Variants in CSNK1G3 observed in about 807,000 individuals in gnomAD.
CSNK1G3 encodes casein kinase 1 gamma 3.
CSNK1G3 carries 23 observed loss-of-function variants against 64.3 expected under a neutral mutation model. That is an observed-to-expected ratio of 0.36 (90% CI 0.26 to 0.51). CSNK1G3 has a LOEUF of 0.51. Among genes scored for constraint, CSNK1G3 ranks in the 20% least tolerant of loss-of-function variants. The probability of loss-of-function intolerance (pLI) is 0.96; values close to 1 mark genes in which losing one functional copy is unlikely to be tolerated. For missense variants in CSNK1G3, 357 were observed against 510.5 expected (o/e 0.70, Z 2.90); for synonymous variants, 158 against 162.2 (o/e 0.97, Z 0.20).
intron 1 of CSNK1G3, among the ~76,000 whole-genome samples, chr5:123,531,706 A>G (rs2150098156): frequency 6.6e-6 from 1 of 152,088 alleles, no homozygotes. Context: ...ACAGATTTGA[A>G]GTTGTAAATA....
rs1392714790 is a variant in CSNK1G3 at position 123,519,331 on chromosome 5, G to A, written c.-248+6761G>A. ...GGTCTCCCAAAGTGCTGGATTACAG[G>A]CATGAGCCACTGTGCCCGGCTGGGT... is the stretch of plus-strand genomic sequence containing the variant. On this transcript the variant is annotated intron_variant, in intron 1 of 12. Transcript: ENST00000345990. 1.1e-4 allele frequency among the ~76,000 whole-genome samples: 17 copies of A among 152,200 alleles called. No individual in the cohort carries two copies. In the East Asian group the frequency reaches 3.3e-3, roughly 29 times the overall value.
At position 123,574,737 on chromosome 5, in the gene CSNK1G3, A is replaced by G. The variant is rs187927060; in HGVS notation, c.439-992A>G. ...CCCAACTGCTGAGGAGGTTGAGGCA[A>G]GAGGATTGCTTGAGCCCGGAGGTTA... On this transcript the variant is annotated intron_variant, in intron 5 of 12. Coordinates refer to ENST00000345990, the Ensembl canonical transcript of CSNK1G3. Among the ~76,000 whole-genome samples the G allele has an allele frequency of 3.9e-5, 6 of 152,102 alleles. No individual in the cohort carries two copies. The East Asian group carries it at 9.7e-4, about 25-fold the overall frequency.
intron 6 of CSNK1G3, among the ~76,000 whole-genome samples, chr5:123,577,728 T>C (rs1006881049): frequency 6.6e-6 from 1 of 152,054 alleles, no homozygotes; most frequent in Non-Finnish European, 1.5e-5. Flanking sequence ...GTTTTTTTTT[T>C]ATTGAAGTAA....
chr5:123,556,144 A>G lies in CSNK1G3; in HGVS notation c.220-1351A>G, dbSNP rs535164958. Among the ~76,000 whole-genome samples the G allele has an allele frequency of 9.9e-5, 15 of 152,188 alleles. No homozygotes were observed. In the Middle Eastern group the frequency reaches 0.01, roughly 104 times the overall value. ...TACTGTACTATCCTGCCTCTCAAGAACTAAGCTGATTGTTTTCTCCTGTAA... is the reference window on the plus strand; with the variant it reads ...TACTGTACTATCCTGCCTCTCAAGAGCTAAGCTGATTGTTTTCTCCTGTAA... On this transcript the variant is annotated intron_variant, in intron 3 of 12. Coordinates refer to ENST00000345990, the Ensembl canonical transcript of CSNK1G3.
chr5:123,536,654 A>C (rs1159713449), intron 1 of CSNK1G3, among the ~76,000 whole-genome samples: 3 of 152,104 alleles, frequency 2.0e-5, no homozygotes, highest in Non-Finnish European at 4.4e-5. Context: ...TTGAAACATC[A>C]CCATGTACCC....
At chr5:123,569,026 A>G (rs533960780) in intron 4 of CSNK1G3, among the ~76,000 whole-genome samples, 16 of 152,366 alleles carry the variant, frequency 1.1e-4, no homozygotes, top group African/African-American at 3.1e-4. Context: ...AAAAACTGCA[A>G]TTACATTTGC....
rs148105044 is a variant in CSNK1G3 at position 123,598,678 on chromosome 5, G to A, written c.1087-6046G>A. On this transcript the variant is annotated intron_variant, in intron 10 of 12. Transcript: ENST00000345990. ...GTGTGTTGAGAAATGAGACTGAGAA[G>A]GTAGGCTGGAGGTAAATCATGAAGG... Among the ~76,000 whole-genome samples the A allele has an allele frequency of 7.4e-3, 1,129 of 152,146 alleles. 11 individuals carry two copies. The highest frequency in any genetic ancestry group is 0.014 in the Middle Eastern group (4 of 294).
chr5:123,590,683 A>C lies in CSNK1G3; in HGVS notation c.990+125A>C. 3.3e-6 allele frequency: 2 copies of C among 597,966 alleles called. 1 individual carries two copies. The highest frequency in any genetic ancestry group is 5.1e-6 in the Non-Finnish European group (2 of 388,946). 37.0% of individuals were successfully genotyped at this position (597,966 alleles called of 1,614,324 possible). A position where few individuals can be genotyped will look rare whatever the true frequency, so the allele number is the denominator to read the frequency against. On this transcript the variant is annotated intron_variant, in intron 9 of 12. Transcript: ENST00000345990. ...TAAAGGATTCATTTTATTGTTTTTT[A>C]AGGGACATTTCTGCAGGTAGTGCCG...
intron 1 of CSNK1G3, among the ~76,000 whole-genome samples, chr5:123,536,046 A>G (rs1404497932): frequency 6.6e-6 from 1 of 152,152 alleles, no homozygotes; most frequent in African/African-American, 2.4e-5. Context: ...ATGTGCTTTT[A>G]AATGCTTTTA....
chr5:123,540,886 C>A (rs1781573104), intron 1 of CSNK1G3, among the ~76,000 whole-genome samples: 1 of 152,186 alleles, frequency 6.6e-6, no homozygotes, highest in Non-Finnish European at 1.5e-5. Context: ...ACCTTGGCCT[C>A]CCAATGTGCT....
intron 2 of CSNK1G3, among the ~76,000 whole-genome samples, chr5:123,548,110 G>T (rs750001172): frequency 6.6e-6 from 1 of 152,052 alleles, no homozygotes; most frequent in Non-Finnish European, 1.5e-5. Context: ...TTGGGGCTGG[G>T]CAGTTCTTTT....
At chr5:123,513,167 A>G (rs866068035) in intron 1 of CSNK1G3, among the ~76,000 whole-genome samples, 1 of 152,192 alleles carries the variant, frequency 6.6e-6, no homozygotes, top group Non-Finnish European at 1.5e-5. Flanking sequence ...TAACCAAGAC[A>G]TTAGTCAAAG....
chr5:123,547,167 A>G lies in CSNK1G3; in HGVS notation c.178+1326A>G, dbSNP rs191859479. 8.5e-5 allele frequency among the ~76,000 whole-genome samples: 13 copies of G among 152,234 alleles called. No individual in the cohort carries two copies. In the East Asian group the frequency reaches 2.5e-3, roughly 29 times the overall value. On this transcript the variant is annotated intron_variant, in intron 2 of 12. Coordinates refer to ENST00000345990, the Ensembl canonical transcript of CSNK1G3. ...ATTGATAATATGCTGGTAAAATATA[A>G]AAATAGTGCCTTATGGAACAGATAA... is the stretch of plus-strand genomic sequence containing the variant.
In CSNK1G3 at chr5:123,590,509, GA is replaced by G; in HGVS notation, c.945del (p.Gly316AspfsTer49). On this transcript the variant is annotated frameshift_variant, in exon 9 of 13. Coordinates refer to ENST00000345990, the Ensembl canonical transcript of CSNK1G3. LOFTEE classifies it high-confidence loss of function. The stretch of plus-strand genomic sequence containing the variant: ...AAGCTTTTTACTGACTTGTTTGATC[GA>G]AAAGGATATATGTTTGATTATGAAT... 6.5e-7 allele frequency: 1 copy of G among 1,541,308 alleles called. No individual in the cohort carries two copies. The highest frequency in any genetic ancestry group is 8.7e-7 in the Non-Finnish European group (1 of 1,149,504).
chr5:123,537,790 A>G (rs1454668697), intron 1 of CSNK1G3, among the ~76,000 whole-genome samples: 3 of 152,168 alleles, frequency 2.0e-5, no homozygotes, highest in Admixed American at 6.6e-5. Context: ...ATTAAGATAT[A>G]GAACATTTCT....
At chr5:123,562,850 TC>T (rs1391991615) in intron 4 of CSNK1G3, among the ~76,000 whole-genome samples, 1 of 152,044 alleles carries the variant, frequency 6.6e-6, no homozygotes, top group Non-Finnish European at 1.5e-5. Context: ...CTAAAATTAG[TC>T]ACTTTCTTGA....
chr5:123,616,348 T>C (rs1252680923), exon 13 of CSNK1G3: 1 of 152,636 alleles, frequency 6.6e-6, no homozygotes, highest in Non-Finnish European at 1.5e-5. Flanking sequence ...GTATTTCTTA[T>C]CATAAGCCTA....
intron 12 of CSNK1G3, among the ~76,000 whole-genome samples, chr5:123,609,066 G>T (rs1795858165): frequency 6.6e-6 from 1 of 152,174 alleles, no homozygotes; most frequent in Non-Finnish European, 1.5e-5. Flanking sequence ...CGCAAGGAAA[G>T]AATTGAACCA....
intron 12 of CSNK1G3, among the ~76,000 whole-genome samples, chr5:123,612,479 A>G (rs1012993825): frequency 7.2e-6 from 1 of 138,454 alleles, no homozygotes; most frequent in African/African-American, 2.6e-5. Context: ...ACTTGAAGCT[A>G]TTTTTTTTTT....
Sources: gnomAD v4.1 joint callset for allele counts (sites outside exome capture counted in the v4.1 genomes callset) on GRCh38, gnomAD v4.1.1 for gene constraint, MANE v1.5 for transcripts, NCBI Gene and HGNC (gene_info 2026-07-23, HGNC 2026-07-21) for gene names.